Variants in STK33 observed in about 807,000 individuals in gnomAD.
STK33 encodes the protein serine/threonine kinase 33.
Under a neutral mutation model 58.0 loss-of-function variants are expected in STK33, and 52 were observed. That is an observed-to-expected ratio of 0.90 (90% confidence interval 0.72 to 1.13). The LOEUF (loss-of-function observed/expected upper bound fraction) is 1.13. STK33 is among the 50% of genes most tolerant of loss of function. The pLI is 0.00. For synonymous variants in STK33, 215 were observed against 200.1 expected (o/e 1.07, Z -0.63); for missense variants, 630 against 604.2 (o/e 1.04, Z -0.45).
At chr11:8,463,911 A>G (rs537363415) in intron 7 of STK33, among the ~76,000 whole-genome samples, 2 of 152,334 alleles carry the variant, frequency 1.3e-5, no homozygotes, top group East Asian at 3.9e-4. Context: ...ATTTCTAGAA[A>G]GGCTCTTAAT....
At chr11:8,531,642 T>C (rs1272435529) in intron 1 of STK33, among the ~76,000 whole-genome samples, 3 of 152,188 alleles carry the variant, frequency 2.0e-5, no homozygotes, top group African/African-American at 4.8e-5. Flanking sequence ...ACTTCTTACA[T>C]GGCAGTTGAG....
At chr11:8,453,152 T>G (rs760505277) in intron 10 of STK33, among the ~76,000 whole-genome samples, 2 of 152,234 alleles carry the variant, frequency 1.3e-5, no homozygotes, top group African/African-American at 2.4e-5. Context: ...TTAACCATTC[T>G]TGCCATCTGA....
chr11:8,519,406 A>G (rs1338811649), intron 1 of STK33, among the ~76,000 whole-genome samples: 1 of 152,248 alleles, frequency 6.6e-6, no homozygotes. Context: ...TCTAAAATTG[A>G]CACCCTAACA....
chr11:8,530,578 C>A (rs1248010388), intron 1 of STK33, among the ~76,000 whole-genome samples: 1 of 151,762 alleles, frequency 6.6e-6, no homozygotes, highest in Admixed American at 6.6e-5. Flanking sequence ...ACTGAAATTA[C>A]AAACAGAAGA....
chr11:8,401,331 T>C (rs1410950160), intron 15 of STK33, among the ~76,000 whole-genome samples: 4 of 152,328 alleles, frequency 2.6e-5, no homozygotes, highest in Admixed American at 2.6e-4. Flanking sequence ...TACAACCATC[T>C]GATCTTTGAC....
intron 1 of STK33, among the ~76,000 whole-genome samples, chr11:8,492,980 C>G (rs565439402): frequency 6.6e-6 from 1 of 152,062 alleles, no homozygotes; most frequent in South Asian, 2.1e-4. Flanking sequence ...CACTAAATGC[C>G]CACAAGAGAA....
chr11:8,501,948 A>G (rs1323373794), intron 1 of STK33, among the ~76,000 whole-genome samples: 1 of 152,166 alleles, frequency 6.6e-6, no homozygotes, highest in East Asian at 1.9e-4. Context: ...CCCATATATT[A>G]TATGAGTCTA....
chr11:8,393,343 T>G (rs963665559), intron 15 of STK33, among the ~76,000 whole-genome samples: 1 of 152,170 alleles, frequency 6.6e-6, no homozygotes, highest in Non-Finnish European at 1.5e-5. Flanking sequence ...AGCTTTAAAG[T>G]AGAAAACAAG....
rs888751218 is a variant in STK33 at position 8,480,714 on chromosome 11, C to T, written c.-465-100G>A. The T allele has an allele frequency of 3.9e-5, 6 of 152,080 alleles. 1 individual carries two copies. Among genetic ancestry groups the T allele is most frequent in the East Asian group, 3.9e-4 (2 of 5,190 alleles). The allele number at this position is 152,080 out of a possible 1,614,324, so 9.4% of individuals were successfully genotyped here. ...TGAAATCAGAGAATAGGTCTAAGAG[C>T]GAGCAAGGGGGCCCACATGTAGCTA... On this transcript the variant is annotated intron_variant, in intron 1 of 15. Transcript: ENST00000687296.
At chr11:8,519,092 TA>T (rs1953115448) in intron 1 of STK33, among the ~76,000 whole-genome samples, 3 of 152,226 alleles carry the variant, frequency 2.0e-5, no homozygotes, top group Non-Finnish European at 2.9e-5. Context: ...TAGTTGGAAG[TA>T]AAGCACTCCT....
At position 8,452,851 on chromosome 11, in the gene STK33, T is replaced by C; in HGVS notation, c.842A>G (p.Gln281Arg). ...KKQSRSEAML[Q>R]ATCGTPIYMA... ...ATAGATAGGAGTCCCACATGTGGCC[T>C]GCAGCATGGCTTCACTCCTACTTTG... Residue 281 changes from glutamine (Q) to arginine (R), a missense_variant, in exon 11 of 16, where the codon CAG becomes CGG. By Grantham distance (43) the Gln-to-Arg change is conservative (BLOSUM62 1). Transcript: ENST00000687296. 4.3e-6 allele frequency: 7 copies of C among 1,614,146 alleles called. No homozygotes were observed. Among genetic ancestry groups the C allele is most frequent in the Non-Finnish European group, 5.9e-6 (7 of 1,180,004 alleles).
At chr11:8,474,266 T>G (rs902122980) in intron 5 of STK33, among the ~76,000 whole-genome samples, 1 of 152,112 alleles carries the variant, frequency 6.6e-6, no homozygotes, top group African/African-American at 2.4e-5. Context: ...TTGTAAAGTA[T>G]AGTTGATATT....
the STK33 span, among the ~76,000 whole-genome samples, chr11:8,382,303 G>A: frequency 1.3e-5 from 2 of 152,238 alleles, no homozygotes; most frequent in Non-Finnish European, 2.9e-5. Context: ...GCTGACCAGA[G>A]GCTGCACAGT....
At chr11:8,364,075 C>T in the STK33 span, among the ~76,000 whole-genome samples, 4 of 152,164 alleles carry the variant, frequency 2.6e-5, no homozygotes, top group Admixed American at 6.5e-5. Context: ...GAAGTTCCTT[C>T]GGTGTGAAGT....
rs753930051 is a variant in STK33 at position 8,392,654 on chromosome 11, G to T, written c.1401C>A (p.Cys467Ter). The T allele has an allele frequency of 6.2e-7, 1 of 1,614,186 alleles. No homozygotes were observed. The highest frequency in any genetic ancestry group is 2.2e-5 in the East Asian group (1 of 44,890). Reference protein sequence around the residue: ...PATSKDNFDMCSSSFTSSKLL... With the variant: ...PATSKDNFDM ...GTTTGCTAGATGTGAAACTTGAACT[G>T]CACATATCAAAGTTGTCCTTACTGG... is the stretch of plus-strand genomic sequence containing the variant. The change falls in exon 16 of 16, where the codon TGC becomes TGA. Residue 467 changes from cysteine (C) to a stop codon, truncating the protein, a stop_gained. Transcript: ENST00000687296. LOFTEE classifies it low-confidence loss of function (END_TRUNC).
chr11:8,407,850 A>G (rs532623986), intron 15 of STK33, among the ~76,000 whole-genome samples: 1 of 152,246 alleles, frequency 6.6e-6, no homozygotes, highest in South Asian at 2.1e-4. Context: ...AGCAAACCCC[A>G]AGCAGGATAA....
intron 11 of STK33, among the ~76,000 whole-genome samples, chr11:8,448,756 T>C (rs1257307749): frequency 3.9e-5 from 6 of 151,954 alleles, no homozygotes; most frequent in Admixed American, 1.3e-4. Context: ...CCAAAAGCAA[T>C]GGCAACAAAA....
chr11:8,376,153 A>G, the STK33 span, among the ~76,000 whole-genome samples: 1 of 152,214 alleles, frequency 6.6e-6, no homozygotes, highest in African/African-American at 2.4e-5. Flanking sequence ...CCCAAGCATC[A>G]CTGAGCGACA....
intron 1 of STK33, among the ~76,000 whole-genome samples, chr11:8,530,057 G>A (rs999212658): frequency 4.6e-5 from 7 of 152,174 alleles, no homozygotes; most frequent in African/African-American, 1.7e-4. Context: ...AAAGGTGTAT[G>A]AAGTCCTGCC....
Sources: allele counts gnomAD v4.1 joint callset (sites outside exome capture counted in the v4.1 genomes callset), GRCh38; gene constraint gnomAD v4.1.1; transcripts MANE v1.5; gene names NCBI Gene and HGNC (gene_info 2026-07-23, HGNC 2026-07-21).